The following RYR2 variants were observed in gnomAD, a reference collection of about 807,000 sequenced individuals.
RYR2 encodes cardiac muscle ryanodine receptor-calcium release channel.
Under a neutral mutation model 601.1 loss-of-function variants are expected in RYR2, and 227 were observed. The ratio of observed to expected loss-of-function variants is 0.38; its 90% confidence interval spans 0.34 to 0.42. RYR2 has a LOEUF of 0.42. Ranked by LOEUF, RYR2 falls within the 10% of genes least tolerant of loss-of-function variation. The pLI, the probability that RYR2 is intolerant of heterozygous loss-of-function variation, is 1.00. For missense variants in RYR2, 4,646 were observed against 6,156.5 expected (o/e 0.75, Z 8.21); for synonymous variants, 2,223 against 2,175.1 (o/e 1.02, Z -0.61).
At chr1:237,615,677 C>T (rs913999549) in intron 37 of RYR2, among the ~76,000 whole-genome samples, 1 of 152,114 alleles carries the variant, frequency 6.6e-6, no homozygotes, top group African/African-American at 2.4e-5. Context: ...TGGGTATGCA[C>T]TTAGGGGAAA....
intron 76 of RYR2, among the ~76,000 whole-genome samples, chr1:237,729,096 G>A (rs932068969): frequency 8.6e-5 from 13 of 151,822 alleles, no homozygotes; most frequent in East Asian, 1.9e-4. Flanking sequence ...TCTTCAAGTC[G>A]CTTGTTCCTT....
intron 1 of RYR2, among the ~76,000 whole-genome samples, chr1:237,126,267 G>C (rs1671408997): frequency 6.6e-6 from 1 of 151,720 alleles, no homozygotes; most frequent in Non-Finnish European, 1.5e-5. Flanking sequence ...ATAGTTGGCA[G>C]AAAACCCTGT....
rs1685739072 is a variant in RYR2, at chr1:237,237,945, C to CCTTTCCTTTCCTTT, written c.49-32551_49-32550insTTTCCTTTCCTTTC. Among the ~76,000 whole-genome samples, 3 of 35,500 alleles carry CCTTTCCTTTCCTTT rather than the reference C, an allele frequency of 8.5e-5. 1 individual carries two copies. Among genetic ancestry groups the CCTTTCCTTTCCTTT allele is most frequent in the Non-Finnish European group, 2.2e-4 (3 of 13,720 alleles). The allele number at this position is 35,500 out of a possible 152,430, so 23.3% of individuals were successfully genotyped here. A position where few individuals can be genotyped will look rare whatever the true frequency, so the allele number is the denominator to read the frequency against. On this transcript the variant is annotated intron_variant, in intron 1 of 104. Transcript: ENST00000366574. ...CCCTTTCCCTTTCCCCTTTCCTTTC[C>CCTTTCCTTTCCTTT]CCTTTCCTTTCCTTTCCTTTCCTTT... is the stretch of plus-strand genomic sequence containing the variant.
At chr1:237,634,262 A>G (rs946894022) in intron 43 of RYR2, among the ~76,000 whole-genome samples, 1 of 152,274 alleles carries the variant, frequency 6.6e-6, no homozygotes, top group African/African-American at 2.4e-5. Flanking sequence ...CATATTCACA[A>G]TGGAATGCTG....
At chr1:237,239,412 A>T (rs1249084018) in intron 1 of RYR2, among the ~76,000 whole-genome samples, 7 of 152,108 alleles carry the variant, frequency 4.6e-5, no homozygotes, top group Admixed American at 2.0e-4. Flanking sequence ...TAGCTTGAGG[A>T]GGCGGTGTCT....
chr1:237,319,479 T>C (rs1289831044), intron 2 of RYR2, among the ~76,000 whole-genome samples: 1 of 152,202 alleles, frequency 6.6e-6, no homozygotes, highest in Non-Finnish European at 1.5e-5. Flanking sequence ...ATTTTTTCTT[T>C]GTTTAGTAAA....
At chr1:237,634,457 A>C (rs10925480) in intron 43 of RYR2, among the ~76,000 whole-genome samples, 4 of 151,910 alleles carry the variant, frequency 2.6e-5, no homozygotes, top group South Asian at 2.1e-4. Flanking sequence ...TACCAGGTGT[A>C]GGGGGGAGTG....
intron 28 of RYR2, 86 bp from the exon 29 acceptor site, chr1:237,569,059 C>T (rs1177468783): frequency 1.7e-6 from 2 of 1,177,674 alleles, no homozygotes; most frequent in Non-Finnish European, 2.4e-6. Flanking sequence ...ATAGAAGGGA[C>T]TGCTGTTAGG....
chr1:237,294,061 A>G (rs1171578334), intron 2 of RYR2, among the ~76,000 whole-genome samples: 3 of 152,256 alleles, frequency 2.0e-5, no homozygotes, highest in Non-Finnish European at 2.9e-5. Context: ...AAAAAAGGAT[A>G]TTTTTACCTA....
chr1:237,656,331 C>G (rs1683243356), intron 53 of RYR2, among the ~76,000 whole-genome samples: 1 of 151,980 alleles, frequency 6.6e-6, no homozygotes. Flanking sequence ...ACATCTTTTA[C>G]TTAGGATGTA....
At chr1:237,316,204 A>G (rs1229945784) in intron 2 of RYR2, among the ~76,000 whole-genome samples, 3 of 152,210 alleles carry the variant, frequency 2.0e-5, no homozygotes, top group Non-Finnish European at 4.4e-5. Context: ...CTTGATTTCC[A>G]GTATCAGATA....
chr1:237,273,995 A>C (rs1343507485), intron 2 of RYR2, among the ~76,000 whole-genome samples: 1 of 146,456 alleles, frequency 6.8e-6, no homozygotes, highest in East Asian at 1.9e-4. Flanking sequence ...ATTAATGTAC[A>C]TTCATGTTTA....
intron 74 of RYR2, among the ~76,000 whole-genome samples, chr1:237,724,394 T>C (rs1217225070): frequency 6.6e-6 from 1 of 151,622 alleles, no homozygotes; most frequent in East Asian, 1.9e-4. Flanking sequence ...TGCAAAGATA[T>C]CATCTAATGT....
At chr1:237,140,706 G>T (rs144136265) in intron 1 of RYR2, among the ~76,000 whole-genome samples, 1 of 152,162 alleles carries the variant, frequency 6.6e-6, no homozygotes, top group Non-Finnish European at 1.5e-5. Flanking sequence ...GACCATATTT[G>T]TTCCTGGGGA....
chr1:237,718,040 G>A (rs1240928560), intron 72 of RYR2, among the ~76,000 whole-genome samples: 2 of 152,192 alleles, frequency 1.3e-5, no homozygotes, highest in Non-Finnish European at 2.9e-5. Flanking sequence ...GCATCACGCA[G>A]CTCTACTGGC....
Position 237,511,755 on chromosome 1 carries a change from G to C in RYR2, c.2786G>C (p.Arg929Pro). The C allele has an allele frequency of 1.3e-6, 2 of 1,545,154 alleles. No individual in the cohort carries two copies. The highest frequency in any genetic ancestry group is 1.2e-5 in the South Asian group (1 of 83,100). The change falls in exon 24 of 105, where the codon CGC becomes CCC. Residue 929 changes from arginine to proline, a missense_variant. By Grantham distance (103) the Arg-to-Pro change is moderately radical (BLOSUM62 -2). This residue lies in a region of RYR2 where 1,807 missense variants were observed against 2,088.1 expected (regional missense o/e 0.87). Transcript: ENST00000366574. ...TTCTCCAAGCTGCCTGAACAGGAGC[G>C]CAATTACAACTTACAAATGTCGCTT... ...VEFSKLPEQE[R>P]NYNLQMSLET...
intron 31 of RYR2, among the ~76,000 whole-genome samples, chr1:237,591,435 T>G (rs1490117978): frequency 1.3e-5 from 2 of 152,074 alleles, no homozygotes; most frequent in African/African-American, 4.8e-5. Context: ...TCCTTTCTTA[T>G]ACTAAATCAG....
intron 22 of RYR2, among the ~76,000 whole-genome samples, chr1:237,505,302 C>T (rs78984446): frequency 0.01 from 1,529 of 152,226 alleles, 29 homozygotes; most frequent in African/African-American, 0.033. Context: ...TCAATATCGA[C>T]TTATATTGAT....
intron 17 of RYR2, among the ~76,000 whole-genome samples, chr1:237,478,322 C>A (rs1454298138): frequency 6.6e-6 from 1 of 152,190 alleles, no homozygotes; most frequent in Non-Finnish European, 1.5e-5. Flanking sequence ...TTGACCAAGT[C>A]GCTTAGCTCC....
Sources: gnomAD v4.1 joint callset for allele counts (sites outside exome capture counted in the v4.1 genomes callset) on GRCh38, gnomAD v4.1.1 for gene constraint, gnomAD v4.1.1 regional missense constraint, MANE v1.5 for transcripts, NCBI Gene and HGNC (gene_info 2026-07-23, HGNC 2026-07-21) for gene names.